ARFGEF3: variants seen among roughly 807,000 people sequenced by gnomAD.
ARFGEF3 encodes ARFGEF family member 3, also known as brefeldin A-inhibited guanine nucleotide-exchange protein 3.
Under a neutral mutation model 221.7 loss-of-function variants are expected in ARFGEF3, and 96 were observed. That is an observed-to-expected ratio of 0.43 (90% confidence interval 0.37 to 0.51). The LOEUF (loss-of-function observed/expected upper bound fraction) is 0.51, where lower values mean the gene tolerates loss of function less well. ARFGEF3 is among the 20% of genes least tolerant of loss of function. The pLI is 0.00. For synonymous variants in ARFGEF3, 1,145 were observed against 1,126.8 expected, an observed-to-expected ratio of 1.02 and a Z score of -0.32; for missense variants, 2,410 against 2,789.9, an observed-to-expected ratio of 0.86 and a Z score of 3.07.
chr6:138,264,818 A>G (rs1429717846), intron 12 of ARFGEF3, among the ~76,000 whole-genome samples: 1 of 152,182 alleles, frequency 6.6e-6, no homozygotes, highest in Admixed American at 6.5e-5. Flanking sequence ...ATCTTTAAGA[A>G]GCTGACCAAA....
Position 138,245,548 on chromosome 6 carries a change from T to G in ARFGEF3, c.622T>G (p.Ser208Ala). The change falls in exon 8 of 34, where the codon TCT (serine) becomes GCT (alanine). Residue 208 changes from serine to alanine, a missense_variant. Coordinates refer to ENST00000251691, the MANE Select transcript of ARFGEF3 (RefSeq NM_020340.5). ...TVESLCDDVV[S>A]VLTVLCEKLQ... ...AGAGTCCCTCTGTGATGATGTTGTC[T>G]CTGTACTCACCGTCCTGTGTGAGAA... is the stretch of plus-strand genomic sequence containing the variant. 2 of 1,611,320 alleles carry G rather than the reference T, an allele frequency of 1.2e-6. No homozygotes were observed. Among genetic ancestry groups the G allele is most frequent in the Admixed American group, 1.7e-5 (1 of 59,688 alleles).
At chr6:138,208,567 T>C (rs1190456855) in intron 3 of ARFGEF3, among the ~76,000 whole-genome samples, 1 of 152,042 alleles carries the variant, frequency 6.6e-6, no homozygotes, top group Non-Finnish European at 1.5e-5. Context: ...AAAGAACAAA[T>C]TGAATAGGGA....
intron 22 of ARFGEF3, among the ~76,000 whole-genome samples, chr6:138,300,386 A>G (rs1198117709): frequency 1.3e-5 from 2 of 152,218 alleles, no homozygotes; most frequent in African/African-American, 4.8e-5. Context: ...CTAAGACTTT[A>G]TACCAATAAG....
At chr6:138,264,175 G>A (rs1778842991) in intron 12 of ARFGEF3, among the ~76,000 whole-genome samples, 1 of 152,070 alleles carries the variant, frequency 6.6e-6, no homozygotes, top group Admixed American at 6.6e-5. Flanking sequence ...CGTAAACAGT[G>A]GTGCTGGGGG....
At chr6:138,218,121 C>T (rs367981616) in intron 4 of ARFGEF3, 1 of 1,613,874 alleles carries the variant, frequency 6.2e-7, no homozygotes, top group South Asian at 1.1e-5. Context: ...CATTGAGGAA[C>T]CTTTCATGGT....
intron 4 of ARFGEF3, among the ~76,000 whole-genome samples, chr6:138,226,194 A>G (rs1416199261): frequency 6.6e-6 from 1 of 152,196 alleles, no homozygotes. Flanking sequence ...AAAAGAGCAC[A>G]TCTGCGATTC....
At position 138,226,791 on chromosome 6, in the gene ARFGEF3, C is replaced by T. The variant is rs113235495; in HGVS notation, c.352-2993C>T. 5.6e-4 allele frequency among the ~76,000 whole-genome samples: 86 copies of T among 152,240 alleles called. 2 individuals are homozygous for T. Among genetic ancestry groups the T allele is most frequent in the Admixed American group, 4.7e-3 (72 of 15,292 alleles). ...ACCCCTAGTCTGTGTTTTAATCCGG[C>T]GAATTAATACATGCTAAGCATTGGG... On this transcript the variant is annotated intron_variant, in intron 4 of 33. Coordinates refer to ENST00000251691, the MANE Select transcript of ARFGEF3 (RefSeq NM_020340.5).
chr6:138,253,156 C>T (rs1416590937), intron 8 of ARFGEF3, among the ~76,000 whole-genome samples: 2 of 152,138 alleles, frequency 1.3e-5, no homozygotes, highest in Non-Finnish European at 1.5e-5. Flanking sequence ...GCATTTCTGC[C>T]ATAAACTATG....
Position 138,284,076 on chromosome 6 carries a change from G to A in ARFGEF3, c.2462-1870G>A, listed in dbSNP as rs575524222. 4.6e-5 allele frequency among the ~76,000 whole-genome samples: 7 copies of A among 152,286 alleles called. No homozygotes were observed. In the South Asian group the frequency reaches 8.3e-4, roughly 18 times the overall value. On this transcript the variant is annotated intron_variant, in intron 14 of 33. Coordinates refer to ENST00000251691, the MANE Select transcript of ARFGEF3 (RefSeq NM_020340.5). Reference sequence around the variant, plus strand: ...CCCCAGCACTTTGGAAGGCAGAGGCGGGAGGATCACTTAAGGTCAGGAGTT... The same window carrying A: ...CCCCAGCACTTTGGAAGGCAGAGGCAGGAGGATCACTTAAGGTCAGGAGTT...
In ARFGEF3 at chr6:138,275,149, T is replaced by C. The variant is rs1779074390; in HGVS notation, c.2129-3302T>C. Among the ~76,000 whole-genome samples the C allele has an allele frequency of 2.6e-5, 4 of 151,642 alleles. No individual in the cohort carries two copies. In the South Asian group the frequency reaches 8.3e-4, roughly 32 times the overall value. On this transcript the variant is annotated intron_variant, in intron 12 of 33. Transcript: ENST00000251691. Reference sequence around the variant, plus strand: ...AAATAAAATAAATTTTAAAAAATAATAATAAAATGCACCTCAGCCCATGAT... The same window carrying C: ...AAATAAAATAAATTTTAAAAAATAACAATAAAATGCACCTCAGCCCATGAT...
At chr6:138,184,318 T>C (rs74963085) in intron 2 of ARFGEF3, among the ~76,000 whole-genome samples, 2,374 of 152,312 alleles carry the variant, frequency 0.016, 33 homozygotes, top group Middle Eastern at 0.051. Context: ...TGGGTTCTTA[T>C]GAAGATTACA....
At chr6:138,249,449 C>T (rs1384492215) in intron 8 of ARFGEF3, among the ~76,000 whole-genome samples, 3 of 152,190 alleles carry the variant, frequency 2.0e-5, no homozygotes, top group Non-Finnish European at 2.9e-5. Context: ...CCTGCTTCAG[C>T]CTCCTGAGTA....
intron 5 of ARFGEF3, among the ~76,000 whole-genome samples, chr6:138,233,200 A>T (rs1190632119): frequency 6.6e-6 from 1 of 152,148 alleles, no homozygotes; most frequent in Admixed American, 6.5e-5. Context: ...TGAGCATTAT[A>T]TATAACACAT....
At chr6:138,198,933 T>C (rs1360969189) in intron 2 of ARFGEF3, among the ~76,000 whole-genome samples, 2 of 152,162 alleles carry the variant, frequency 1.3e-5, no homozygotes, top group African/African-American at 4.8e-5. Flanking sequence ...CTTGAGGACA[T>C]AGATTTTCAA....
At chr6:138,322,786 T>G (rs1167416352) in intron 29 of ARFGEF3, among the ~76,000 whole-genome samples, 4 of 144,322 alleles carry the variant, frequency 2.8e-5, no homozygotes, top group African/African-American at 1.1e-4. Context: ...CAGAGCAAGA[T>G]TCAGTCTCAA....
chr6:138,309,060 T>C (rs1447824519), intron 24 of ARFGEF3, among the ~76,000 whole-genome samples, 199 bp downstream of exon 24: 1 of 152,244 alleles, frequency 6.6e-6, no homozygotes, highest in African/African-American at 2.4e-5. Flanking sequence ...ATACTTTTCA[T>C]TGTATTCATG....
chr6:138,253,044 T>C lies in ARFGEF3; in HGVS notation c.666-836T>C, dbSNP rs140071212. On this transcript the variant is annotated intron_variant, in intron 8 of 33. Coordinates refer to ENST00000251691, the MANE Select transcript of ARFGEF3 (RefSeq NM_020340.5). ...TTCTCCACTGAAAAATCATGTTTCC[T>C]CAGTAAAGAAGAAAAGTCTAATGCA... 4.9e-4 allele frequency among the ~76,000 whole-genome samples: 74 copies of C among 152,266 alleles called. No individual in the cohort carries two copies. In the East Asian group the frequency reaches 0.012, roughly 25 times the overall value.
intron 6 of ARFGEF3, among the ~76,000 whole-genome samples, chr6:138,240,932 A>G (rs1778384172): frequency 6.6e-6 from 1 of 152,200 alleles, no homozygotes; most frequent in Non-Finnish European, 1.5e-5. Flanking sequence ...AGCACGGCCT[A>G]TCACTGTGCA....
At chr6:138,167,636 A>G (rs1582991386) in intron 1 of ARFGEF3, among the ~76,000 whole-genome samples, 1 of 151,764 alleles carries the variant, frequency 6.6e-6, no homozygotes, top group South Asian at 2.1e-4. Flanking sequence ...GCTCATTTTT[A>G]CCTCCTAAAT....
Sources: gnomAD v4.1 joint callset for allele counts (sites outside exome capture counted in the v4.1 genomes callset) on GRCh38, gnomAD v4.1.1 for gene constraint, MANE v1.5 for transcripts, NCBI Gene and HGNC (gene_info 2026-07-23, HGNC 2026-07-21) for gene names.